Variants in TPST2 observed in about 807,000 individuals in gnomAD.
TPST2 encodes the protein tyrosylprotein sulfotransferase 2, also known as protein-tyrosine sulfotransferase 2.
A neutral mutation model predicts 27.8 loss-of-function variants in TPST2; 16 were observed. The observed-to-expected ratio is 0.58, with a 90% CI of 0.39 to 0.88. The LOEUF is 0.88. Among genes scored for constraint, TPST2 ranks in the 40% least tolerant of loss-of-function variants. The probability of loss-of-function intolerance (pLI) is 0.00; values close to 1 mark genes in which losing one functional copy is unlikely to be tolerated. For synonymous variants in TPST2, 229 were observed against 231.7 expected (o/e 0.99, Z 0.10); for missense variants, 464 against 543.1 (o/e 0.85, Z 1.45).
At chr22:26,561,453 T>C (rs1418269764) in intron 1 of TPST2, among the ~76,000 whole-genome samples, 1 of 152,190 alleles carries the variant, frequency 6.6e-6, no homozygotes, top group Non-Finnish European at 1.5e-5. Context: ...AAATTAGTTA[T>C]ATATGGGGAT....
Position 26,580,760 on chromosome 22 carries a change from G to C in TPST2, c.-161+9293C>G, listed in dbSNP as rs527684180. Among the ~76,000 whole-genome samples the C allele has an allele frequency of 9.4e-4, 143 of 152,098 alleles. 1 individual carries two copies. The highest frequency in any genetic ancestry group is 1.2e-3 in the Non-Finnish European group (83 of 68,014). ...ATCCCCAAAGGAGCCGGTTGTGTCC[G>C]ATCTTTGTTAAACAAGAGGAGTCTG... On this transcript the variant is annotated intron_variant, in intron 1 of 6. Coordinates refer to ENST00000338754, the MANE Select transcript of TPST2 (RefSeq NM_003595.5).
intron 4 of TPST2, among the ~76,000 whole-genome samples, chr22:26,535,003 G>A (rs1249883747): frequency 2.6e-5 from 4 of 152,150 alleles, no homozygotes; most frequent in Non-Finnish European, 5.9e-5. Flanking sequence ...ATGTCAAGAG[G>A]AAGAGGAACT....
chr22:26,556,860 AT>A (rs2147212891), intron 1 of TPST2, among the ~76,000 whole-genome samples: 1 of 152,234 alleles, frequency 6.6e-6, no homozygotes, highest in Non-Finnish European at 1.5e-5. Flanking sequence ...AGCAGTAGGG[AT>A]TTGCACCAGA....
chr22:26,574,553 AG>A (rs1199697394), intron 1 of TPST2, among the ~76,000 whole-genome samples: 3 of 152,214 alleles, frequency 2.0e-5, no homozygotes, highest in Non-Finnish European at 4.4e-5. Flanking sequence ...CTGTTTGCCC[AG>A]GAACGAGCAA....
At chr22:26,536,141 G>A in intron 4 of TPST2, 147 bp downstream of exon 4, 1 of 1,089,574 alleles carries the variant, frequency 9.2e-7, no homozygotes, top group Non-Finnish European at 1.4e-6. Flanking sequence ...AAGCAATCAT[G>A]TAGTTCACTG....
At position 26,588,749 on chromosome 22, in the gene TPST2, C is replaced by T. The variant is rs370105721; in HGVS notation, c.-161+1304G>A. Among the ~76,000 whole-genome samples the T allele has an allele frequency of 3.1e-4, 47 of 152,106 alleles. No individual in the cohort carries two copies. The East Asian group carries it at 4.6e-3, about 15-fold the overall frequency. On this transcript the variant is annotated intron_variant, in intron 1 of 6. Coordinates refer to ENST00000338754, the MANE Select transcript of TPST2 (RefSeq NM_003595.5). ...CTGAGACTAGATCGGAAGGAAAATG[C>T]GTCGCCCGGGCCACATCACTACTAA... is the stretch of plus-strand genomic sequence containing the variant.
intron 1 of TPST2, among the ~76,000 whole-genome samples, chr22:26,563,719 G>A (rs757698238): frequency 1.9e-4 from 29 of 152,242 alleles, no homozygotes; most frequent in Non-Finnish European, 2.2e-4. Flanking sequence ...CATGTAAGCT[G>A]CTTTCATCTT....
chr22:26,562,874 C>A (rs138373449), intron 1 of TPST2, among the ~76,000 whole-genome samples: 1 of 152,126 alleles, frequency 6.6e-6, no homozygotes, highest in South Asian at 2.1e-4. Flanking sequence ...CTGCCCGCCT[C>A]GGCCTCCCAA....
intron 1 of TPST2, among the ~76,000 whole-genome samples, chr22:26,586,284 A>C (rs1209926664): frequency 6.6e-6 from 1 of 151,908 alleles, no homozygotes; most frequent in African/African-American, 2.4e-5. Context: ...AATACCCTAC[A>C]ATCTCGCCCT....
chr22:26,562,232 C>T (rs892168944), intron 1 of TPST2, among the ~76,000 whole-genome samples: 1 of 152,236 alleles, frequency 6.6e-6, no homozygotes, highest in Non-Finnish European at 1.5e-5. Flanking sequence ...GTCCCTTTCC[C>T]TCTCTGAGCT....
Position 26,539,899 on chromosome 22 carries a change from A to G in TPST2, c.842+890T>C, listed in dbSNP as rs80135539. On this transcript the variant is annotated intron_variant, in intron 3 of 6. Coordinates refer to ENST00000338754, the MANE Select transcript of TPST2 (RefSeq NM_003595.5). ...TCTGTGAGATTCAGTTTTTTGGTCT[A>G]TAAAATGTGGATAAGAGGTGTTCCT... 1.0e-2 allele frequency among the ~76,000 whole-genome samples: 1,518 copies of G among 152,338 alleles called. 25 individuals carry two copies. Among genetic ancestry groups the G allele is most frequent in the African/African-American group, 0.035 (1,440 of 41,580 alleles).
At chr22:26,537,860 C>A (rs979183996) in intron 3 of TPST2, among the ~76,000 whole-genome samples, 1 of 152,148 alleles carries the variant, frequency 6.6e-6, no homozygotes, top group Non-Finnish European at 1.5e-5. Context: ...AAAACAAATA[C>A]GCTAGTTTTT....
intron 5 of TPST2, among the ~76,000 whole-genome samples, chr22:26,530,631 C>CAAAAAAAAAAAAAAAAAAAAAAAAA (rs34776057): frequency 1.7e-5 from 2 of 118,296 alleles, no homozygotes; most frequent in Admixed American, 9.6e-5. Flanking sequence ...AACCCCATCT[C>CAAAAAAAAAAAAAAAAAAAAAAAAA]AAAAAAAAAA....
intron 1 of TPST2, chr22:26,550,754 A>C: frequency 4.3e-6 from 3 of 696,938 alleles, no homozygotes; most frequent in Non-Finnish European, 5.3e-6. Flanking sequence ...CCACGCCTCA[A>C]CCTTCTGCAG....
intron 5 of TPST2, among the ~76,000 whole-genome samples, chr22:26,531,815 A>T (rs1024607430): frequency 6.6e-6 from 1 of 152,152 alleles, no homozygotes; most frequent in Non-Finnish European, 1.5e-5. Context: ...TTCCCAGCCA[A>T]CTTCAAATCT....
chr22:26,540,694 C>T, intron 3 of TPST2, 95 bp downstream of exon 3: 1 of 1,235,622 alleles, frequency 8.1e-7, no homozygotes, highest in Non-Finnish European at 1.1e-6. Flanking sequence ...TTGCCCAAGG[C>T]CACACAGCTC....
chr22:26,528,652 C>T (rs982058463), intron 5 of TPST2, among the ~76,000 whole-genome samples: 2 of 152,166 alleles, frequency 1.3e-5, no homozygotes, highest in African/African-American at 4.8e-5. Flanking sequence ...CAGTTCCTGG[C>T]ACATAGCTCC....
At chr22:26,536,004 G>A in intron 4 of TPST2, 1 of 532,650 alleles carries the variant, frequency 1.9e-6, no homozygotes, top group Non-Finnish European at 3.6e-6. Flanking sequence ...GGGTAAAAAT[G>A]TAAATAAAAT....
intron 1 of TPST2, among the ~76,000 whole-genome samples, chr22:26,588,180 T>C (rs1402200434): frequency 2.3e-5 from 3 of 128,156 alleles, no homozygotes; most frequent in African/African-American, 9.1e-5. Flanking sequence ...TATGCAGCCA[T>C]AAAAAGGAAC....
Sources: allele counts gnomAD v4.1 joint callset (sites outside exome capture counted in the v4.1 genomes callset), GRCh38; gene constraint gnomAD v4.1.1; transcripts MANE v1.5; gene names NCBI Gene and HGNC (gene_info 2026-07-23, HGNC 2026-07-21).